HERC6: variants seen among roughly 807,000 people sequenced by gnomAD.
HERC6 encodes HECT and RLD domain containing E3 ubiquitin protein ligase family member 6, also known as probable E3 ubiquitin-protein ligase HERC6.
HERC6 carries 101 observed loss-of-function variants against 114.5 expected under a neutral mutation model. The observed-to-expected ratio is 0.88, with a 90% CI of 0.75 to 1.04. HERC6 has a LOEUF of 1.04. Ranked by LOEUF, HERC6 falls within the 50% of genes least tolerant of loss-of-function variation. HERC6 has a pLI of 0.00. For synonymous variants in HERC6, 408 were observed against 436.2 expected (o/e 0.94, Z 0.81); for missense variants, 1,133 against 1,230.9 (o/e 0.92, Z 1.19).
At chr4:88,437,864 A>C in intron 20 of HERC6, 83 bp downstream of exon 20, 1 of 1,052,800 alleles carries the variant, frequency 9.5e-7, no homozygotes, top group East Asian at 2.7e-5. Context: ...ATGTATTTTT[A>C]AATATGGTTC....
At chr4:88,397,082 A>G in intron 7 of HERC6, 95 bp downstream of exon 7, 1 of 1,011,434 alleles carries the variant, frequency 9.9e-7, no homozygotes. Flanking sequence ...ACAGAACTGT[A>G]GTTCCCCTAG....
At chr4:88,385,829 G>A (rs1734547673) in intron 3 of HERC6, among the ~76,000 whole-genome samples, 1 of 152,164 alleles carries the variant, frequency 6.6e-6, no homozygotes. Context: ...TCAGAGCTTA[G>A]TAGTGGCTTT....
Position 88,413,232 on chromosome 4 carries a change from G to A in HERC6, c.1524G>A (p.Val508=). The change falls in exon 12 of 23, where the codon GTG becomes GTA. Residue 508 remains valine (V), a synonymous_variant. Transcript: ENST00000264346. ...TGGTGGTTCCATTTGCAAAGGCTGT[G>A]TGTGAAATGAGTAAACAATCTTTGC... ...KNLVVPFAKA[V]CEMSKQSLQV... 1.2e-6 allele frequency: 2 copies of A among 1,613,274 alleles called. No individual in the cohort carries two copies. The highest frequency in any genetic ancestry group is 1.7e-6 in the Non-Finnish European group (2 of 1,179,578).
intron 17 of HERC6, 140 bp downstream of exon 17, chr4:88,431,445 C>T: frequency 1.0e-6 from 1 of 973,684 alleles, no homozygotes; most frequent in Non-Finnish European, 1.5e-6. Context: ...TCGTATGGTT[C>T]ACAGAGCAGC....
Position 88,390,836 on chromosome 4 carries a change from T to G in HERC6, c.621T>G (p.Ser207Arg). ...GTGGGACTTCGTTTGGCTGGGGAAG[T>G]AACAGTGCCGGGCAGCTGGCCCTCA... ...SLCGTSFGWG[S>R]NSAGQLALSG... Residue 207 changes from serine to arginine, a missense_variant, in exon 4 of 23, where the codon AGT becomes AGG. Physicochemically the swap from Ser to Arg is moderately radical, Grantham distance 110. Around this residue, in one of 3 missense-constraint regions of HERC6, gnomAD observed 735 missense variants for 754.0 expected, o/e 0.97. Transcript: ENST00000264346. 6.2e-7 allele frequency: 1 copy of G among 1,613,874 alleles called. No individual in the cohort carries two copies. The highest frequency in any genetic ancestry group is 2.2e-5 in the East Asian group (1 of 44,868).
chr4:88,404,797 A>AG, intron 8 of HERC6, 79 bp from the exon 9 acceptor site: 1 of 1,540,750 alleles, frequency 6.5e-7, no homozygotes, highest in Non-Finnish European at 8.8e-7. Flanking sequence ...TTTACCACCC[A>AG]TGCCAGGTGA....
chr4:88,389,820 G>A (rs1734797818), intron 3 of HERC6, among the ~76,000 whole-genome samples: 1 of 152,136 alleles, frequency 6.6e-6, no homozygotes. Flanking sequence ...ATCATGCTAA[G>A]TGAAATAAGC....
rs1735274454 is a variant in HERC6, at chr4:88,397,063, A to G, written c.1024+76A>G. 2.2e-6 allele frequency: 3 copies of G among 1,380,004 alleles called. No individual in the cohort carries two copies. In the South Asian group the frequency reaches 4.4e-5, roughly 20 times the overall value. 85.5% of individuals were successfully genotyped at this position (1,380,004 alleles called of 1,614,324 possible). ...AGAACTAGTATTCAGCTTCCTTTCA[A>G]AGGATCCTACAGAACTGTAGTTCCC... On this transcript the variant is annotated intron_variant, in intron 7 of 22. Coordinates refer to ENST00000264346, the MANE Select transcript of HERC6 (RefSeq NM_017912.4).
chr4:88,411,305 A>C (rs1026342885), intron 11 of HERC6, among the ~76,000 whole-genome samples: 1 of 152,076 alleles, frequency 6.6e-6, no homozygotes, highest in Non-Finnish European at 1.5e-5. Flanking sequence ...CTTTGGGAAC[A>C]CTCCCTACTA....
chr4:88,389,586 C>T (rs929095453), intron 3 of HERC6, among the ~76,000 whole-genome samples: 1 of 151,968 alleles, frequency 6.6e-6, no homozygotes, highest in Non-Finnish European at 1.5e-5. Flanking sequence ...AGATTTTTGG[C>T]CTGAGCAGCT....
rs574106907 is a variant in HERC6 at position 88,424,498 on chromosome 4, A to G, written c.1828-97A>G. 4.4e-5 allele frequency: 40 copies of G among 912,182 alleles called. No homozygotes were observed. The African/African-American group carries it at 4.8e-4, about 11-fold the overall frequency. 56.5% of individuals were successfully genotyped at this position (912,182 alleles called of 1,614,324 possible). A position where few individuals can be genotyped will look rare whatever the true frequency, so the allele number is the denominator to read the frequency against. ...TGCCTTAAAAAAACAAAGAACCACA[A>G]AAACCAGATTCCAAAAAAAAGGCGA... On this transcript the variant is annotated intron_variant, in intron 14 of 22. Coordinates refer to ENST00000264346, the MANE Select transcript of HERC6 (RefSeq NM_017912.4).
chr4:88,418,559 G>A (rs2148924281), intron 13 of HERC6, among the ~76,000 whole-genome samples: 1 of 152,282 alleles, frequency 6.6e-6, no homozygotes, highest in East Asian at 1.9e-4. Flanking sequence ...TTTCTTGGTA[G>A]GTTCTCAGAT....
chr4:88,390,930 G>A, intron 4 of HERC6, 51 bp downstream of exon 4: 1 of 1,486,722 alleles, frequency 6.7e-7, no homozygotes, highest in Admixed American at 2.1e-5. Context: ...TTTCCAGGTG[G>A]AAGACCAACT....
chr4:88,437,732 G>A lies in HERC6; in HGVS notation c.2506G>A (p.Val836Ile), dbSNP rs753007374. 6.2e-7 allele frequency: 1 copy of A among 1,606,130 alleles called. No individual in the cohort carries two copies. Among genetic ancestry groups the A allele is most frequent in the Admixed American group, 1.7e-5 (1 of 59,214 alleles). Residue 836 changes from valine (V) to isoleucine (I), a missense_variant, in exon 20 of 23, where the codon GTT becomes ATT. Physicochemically the swap from Val to Ile is conservative, Grantham distance 29 (BLOSUM62 3). Coordinates refer to ENST00000264346, the MANE Select transcript of HERC6 (RefSeq NM_017912.4). ...ACAGATACACTGGGACCAAAATGAT[G>A]TTGACTTAATTCCAAATGGGATCTC... is the stretch of plus-strand genomic sequence containing the variant. The part of the protein sequence containing the change: ...RFSIHWDQND[V>I]DLIPNGISIP...
At position 88,401,527 on chromosome 4, in the gene HERC6, A is replaced by G. The variant is rs181639806; in HGVS notation, c.1092+3318A>G. Reference sequence around the variant, plus strand: ...AAAAAAGAAAAGAAAAAAGAGAAACAGTGAATAATTGCAGAAGCAATGTCT... The same window carrying G: ...AAAAAAGAAAAGAAAAAAGAGAAACGGTGAATAATTGCAGAAGCAATGTCT... On this transcript the variant is annotated intron_variant, in intron 8 of 22. Coordinates refer to ENST00000264346, the MANE Select transcript of HERC6 (RefSeq NM_017912.4). Among the ~76,000 whole-genome samples, 914 of 152,052 alleles carry G rather than the reference A, an allele frequency of 6.0e-3. 4 individuals carry two copies. Among genetic ancestry groups the G allele is most frequent in the Non-Finnish European group, 0.01 (689 of 67,952 alleles).
chr4:88,383,258 C>T lies in HERC6; in HGVS notation c.237C>T (p.Leu79=), dbSNP rs372985986. Reference sequence around the variant, plus strand: ...CATTGGAAACCCTAATTGTTGATCTCGTGAGCTGCGGGAAGGAGCACTCCC... The same window carrying T: ...CATTGGAAACCCTAATTGTTGATCTTGTGAGCTGCGGGAAGGAGCACTCCC... ...IQALETLIVD[L]VSCGKEHSLA... is the part of the protein sequence containing the mutation. Residue 79 remains leucine (L), a synonymous_variant, in exon 2 of 23, where the codon CTC becomes CTT. Transcript: ENST00000264346. The T allele has an allele frequency of 2.8e-5, 45 of 1,608,434 alleles. No homozygotes were observed. Among genetic ancestry groups the T allele is most frequent in the African/African-American group, 4.0e-5 (3 of 74,772 alleles).
At position 88,381,473 on chromosome 4, in the gene HERC6, G is replaced by A. The variant is rs191721743; in HGVS notation, c.200-1748G>A. Among the ~76,000 whole-genome samples the A allele has an allele frequency of 3.3e-3, 506 of 151,766 alleles. 1 individual carries two copies. Among genetic ancestry groups the A allele is most frequent in the Non-Finnish European group, 5.1e-3 (347 of 67,968 alleles). ...AGAAAATATATGGGAAAATCTAATG[G>A]AAGATAAGGGTTATTTTAATTGACT... is the stretch of plus-strand genomic sequence containing the variant. On this transcript the variant is annotated intron_variant, in intron 1 of 22. Transcript: ENST00000264346.
At chr4:88,425,997 T>C (rs1737563996) in intron 15 of HERC6, among the ~76,000 whole-genome samples, 1 of 152,134 alleles carries the variant, frequency 6.6e-6, no homozygotes, top group South Asian at 2.1e-4. Flanking sequence ...GCCATTTCAG[T>C]TATTCATTCC....
chr4:88,391,883 C>T (rs185916043), intron 4 of HERC6, among the ~76,000 whole-genome samples: 2 of 152,146 alleles, frequency 1.3e-5, no homozygotes, highest in African/African-American at 4.8e-5. Context: ...TACCTTGTTT[C>T]ATTTCACCAT....
Sources: allele counts gnomAD v4.1 joint callset (sites outside exome capture counted in the v4.1 genomes callset), GRCh38; gene constraint gnomAD v4.1.1; regional missense constraint gnomAD v4.1.1; transcripts MANE v1.5; gene names NCBI Gene and HGNC (gene_info 2026-07-23, HGNC 2026-07-21).